The following RASSF3 variants were observed in gnomAD, a reference collection of about 807,000 sequenced individuals.
The protein encoded by RASSF3 is ras association domain-containing protein 3.
A neutral mutation model predicts 19.9 loss-of-function variants in RASSF3; 19 were observed. The observed-to-expected ratio is 0.96, with a 90% CI of 0.67 to 1.40. The LOEUF (loss-of-function observed/expected upper bound fraction) is 1.40, where lower values mean the gene tolerates loss of function less well. RASSF3 is among the 40% of genes most tolerant of loss of function. The pLI, the probability that RASSF3 is intolerant of heterozygous loss-of-function variation, is 0.00. For missense variants in RASSF3, 306 were observed against 289.8 expected (o/e 1.06, Z -0.41); for synonymous variants, 110 against 104.2 (o/e 1.06, Z -0.34).
intron 2 of RASSF3, among the ~76,000 whole-genome samples, chr12:64,574,140 T>G (rs1007215390): frequency 1.4e-5 from 2 of 140,450 alleles, no homozygotes; most frequent in Non-Finnish European, 3.1e-5. Context: ...CTGCCTCTAC[T>G]AAAAAAAAAA....
chr12:64,651,057 T>C (rs1484417522), intron 1 of RASSF3, among the ~76,000 whole-genome samples: 6 of 152,190 alleles, frequency 3.9e-5, no homozygotes. Context: ...ATAAATAGAT[T>C]TGAGATTAGT....
chr12:64,688,644 T>A (rs1194454268), intron 3 of RASSF3, among the ~76,000 whole-genome samples, 191 bp downstream of exon 3: 1 of 152,012 alleles, frequency 6.6e-6, no homozygotes, highest in Non-Finnish European at 1.5e-5. Context: ...AGTTGGACAG[T>A]TGAGGGTCTG....
chr12:64,691,256 C>T (rs1007912535), intron 3 of RASSF3, among the ~76,000 whole-genome samples: 9 of 152,200 alleles, frequency 5.9e-5, no homozygotes, highest in African/African-American at 1.9e-4. Flanking sequence ...TAATTTCCTT[C>T]TTAATCAAGG....
At chr12:64,676,060 G>A (rs573988715) in intron 1 of RASSF3, among the ~76,000 whole-genome samples, 43 of 152,120 alleles carry the variant, frequency 2.8e-4, no homozygotes, top group African/African-American at 9.4e-4. Context: ...CAACACTGGT[G>A]CCGTGAGAAC....
chr12:64,678,013 A>G (rs150734780), intron 1 of RASSF3, among the ~76,000 whole-genome samples: 9 of 152,174 alleles, frequency 5.9e-5, no homozygotes, highest in Non-Finnish European at 1.0e-4. Flanking sequence ...CCATGAATTC[A>G]GTGGAAATGT....
At chr12:64,541,909 A>G (rs762113779), downstream of RASSF3, among the ~76,000 whole-genome samples, 6 of 152,178 alleles carry the variant, frequency 3.9e-5, no homozygotes, top group Non-Finnish European at 7.3e-5. Context: ...AAACAATAAG[A>G]TAGAGTATAT....
chr12:64,567,198 T>C (rs1869446441), intron 2 of RASSF3, among the ~76,000 whole-genome samples: 1 of 152,112 alleles, frequency 6.6e-6, no homozygotes, highest in African/African-American at 2.4e-5. Flanking sequence ...CTGGGTGACA[T>C]TTTGCCTGAA....
rs1293005902 is a variant in RASSF3, at chr12:64,643,746, A to C, written c.111+33003A>C. Among the ~76,000 whole-genome samples the C allele has an allele frequency of 2.6e-5, 4 of 152,098 alleles. No homozygotes were observed. In the East Asian group the frequency reaches 7.7e-4, roughly 29 times the overall value. ...TTTATAACTGAAAAAAATGTTTTGC[A>C]TGTGAATTTTAGACTGGGGTCTTTG... is the stretch of plus-strand genomic sequence containing the variant. On this transcript the variant is annotated intron_variant, in intron 1 of 4. Transcript: ENST00000542104.
chr12:64,684,005 A>AGT (rs1186047942), intron 1 of RASSF3, among the ~76,000 whole-genome samples: 13 of 82,498 alleles, frequency 1.6e-4, no homozygotes, highest in African/African-American at 4.4e-4. Context: ...AGAGAGAGAG[A>AGT]GAGAGTGAGT....
intron 1 of RASSF3, among the ~76,000 whole-genome samples, chr12:64,520,777 A>C (rs1868463020): frequency 6.6e-6 from 1 of 152,022 alleles, no homozygotes; most frequent in Non-Finnish European, 1.5e-5. Flanking sequence ...AAGATGACCG[A>C]TTGAAATTAG....
intron 2 of RASSF3, among the ~76,000 whole-genome samples, chr12:64,559,246 CTTTT>C (rs56100965): frequency 1.4e-5 from 2 of 140,782 alleles, no homozygotes. Context: ...TTCTTTTTTT[CTTTT>C]TTTTTTTTTT....
At chr12:64,655,824 C>T (rs943683256) in intron 1 of RASSF3, among the ~76,000 whole-genome samples, 3 of 151,734 alleles carry the variant, frequency 2.0e-5, no homozygotes, top group Non-Finnish European at 2.9e-5. Context: ...GTCAGGAGTT[C>T]GAGACCAGCC....
chr12:64,631,098 T>A (rs1002008348), intron 1 of RASSF3, among the ~76,000 whole-genome samples: 1 of 152,070 alleles, frequency 6.6e-6, no homozygotes, highest in Non-Finnish European at 1.5e-5. Context: ...AAAGGTGTCT[T>A]TAGACAGAAG....
intron 1 of RASSF3, among the ~76,000 whole-genome samples, chr12:64,671,755 A>G (rs1030613718): frequency 6.6e-5 from 10 of 152,266 alleles, no homozygotes; most frequent in Admixed American, 6.5e-4. Context: ...GGTGTTCTCC[A>G]TGGGCCCATG....
chr12:64,628,597 G>A (rs1359879902), intron 1 of RASSF3: 1 of 151,930 alleles, frequency 6.6e-6, no homozygotes, highest in Non-Finnish European at 1.5e-5. Flanking sequence ...CCAGGTTCAA[G>A]CAATTCTGCC....
intron 1 of RASSF3, among the ~76,000 whole-genome samples, chr12:64,630,204 A>C (rs964826511): frequency 4.6e-5 from 7 of 151,840 alleles, no homozygotes; most frequent in African/African-American, 1.5e-4. Context: ...CATATGTATA[A>C]TTTTTGTCAT....
chr12:64,671,378 C>T (rs1190438818), intron 1 of RASSF3, among the ~76,000 whole-genome samples: 2 of 152,154 alleles, frequency 1.3e-5, no homozygotes, highest in African/African-American at 4.8e-5. Flanking sequence ...GATCTGCCTC[C>T]CTGGCCTCGC....
chr12:64,525,959 A>G (rs1291387267), intron 1 of RASSF3, among the ~76,000 whole-genome samples: 1 of 152,150 alleles, frequency 6.6e-6, no homozygotes, highest in Non-Finnish European at 1.5e-5. Flanking sequence ...AGCCAGGTGA[A>G]CAGGGAGAGA....
At chr12:64,602,463 C>T (rs1307228236) in intron 2 of RASSF3, among the ~76,000 whole-genome samples, 1 of 151,822 alleles carries the variant, frequency 6.6e-6, no homozygotes. Context: ...CACCTGTAGT[C>T]CCAGCTACTC....
Sources: gnomAD v4.1 joint callset for allele counts (sites outside exome capture counted in the v4.1 genomes callset) on GRCh38, gnomAD v4.1.1 for gene constraint, MANE v1.5 for transcripts, NCBI Gene and HGNC (gene_info 2026-07-23, HGNC 2026-07-21) for gene names.